Variants in MINDY4 observed in about 807,000 individuals in gnomAD.
MINDY4 encodes the protein probable ubiquitin carboxyl-terminal hydrolase MINDY-4.
In MINDY4, 68 loss-of-function variants were observed where a neutral mutation model predicts 87.0. The ratio of observed to expected loss-of-function variants is 0.78; its 90% CI spans 0.64 to 0.96. MINDY4 has a LOEUF of 0.96. Among genes scored for constraint, MINDY4 ranks in the 40% least tolerant of loss-of-function variants. MINDY4 has a pLI of 0.00. For synonymous variants in MINDY4, 379 were observed against 363.2 expected, an observed-to-expected ratio of 1.04 and a Z score of -0.50; for missense variants, 919 against 928.2, an observed-to-expected ratio of 0.99 and a Z score of 0.13.
At chr7:30,796,283 C>T (rs1182118849) in intron 5 of MINDY4, among the ~76,000 whole-genome samples, 1 of 152,100 alleles carries the variant, frequency 6.6e-6, no homozygotes, top group African/African-American at 2.4e-5. Flanking sequence ...GAAAAGGCAA[C>T]AGGAAACCCA....
At chr7:30,859,965 TTGTC>T (rs1283737024) in intron 13 of MINDY4, among the ~76,000 whole-genome samples, 2 of 152,220 alleles carry the variant, frequency 1.3e-5, no homozygotes. Context: ...TTAGGCCTCT[TTGTC>T]TGTATTTGTC....
chr7:30,819,206 C>A (rs573109362), intron 5 of MINDY4, among the ~76,000 whole-genome samples: 1 of 152,212 alleles, frequency 6.6e-6, no homozygotes, highest in Non-Finnish European at 1.5e-5. Flanking sequence ...CTCCATATTA[C>A]TTTAACTGCT....
chr7:30,871,551 G>A (rs1024586348), intron 13 of MINDY4, among the ~76,000 whole-genome samples: 2 of 152,180 alleles, frequency 1.3e-5, no homozygotes, highest in African/African-American at 4.8e-5. Flanking sequence ...GCGGTGCTCA[G>A]CCCATTTCTT....
intron 5 of MINDY4, among the ~76,000 whole-genome samples, chr7:30,802,900 A>C (rs1787700932): frequency 6.6e-6 from 1 of 151,612 alleles, no homozygotes. Flanking sequence ...TTCATCCAAC[A>C]AACCATTCCA....
chr7:30,858,835 G>A (rs1584324719), intron 12 of MINDY4: 3 of 381,460 alleles, frequency 7.9e-6, no homozygotes, highest in Non-Finnish European at 5.2e-6. Context: ...AAGCTGTGTG[G>A]CCTTGAACTG....
At chr7:30,806,604 T>C (rs1377488943) in intron 5 of MINDY4, among the ~76,000 whole-genome samples, 2 of 152,266 alleles carry the variant, frequency 1.3e-5, no homozygotes, top group Non-Finnish European at 2.9e-5. Flanking sequence ...ATGTTCAGGT[T>C]AGTTGTGAGA....
At chr7:30,845,143 G>A (rs1421078099) in intron 9 of MINDY4, among the ~76,000 whole-genome samples, 1 of 152,176 alleles carries the variant, frequency 6.6e-6, no homozygotes, top group Admixed American at 6.5e-5. Context: ...TGAGGGCTCT[G>A]AGTTTTAGAC....
intron 13 of MINDY4, among the ~76,000 whole-genome samples, chr7:30,871,620 C>T (rs1275324209): frequency 6.6e-6 from 1 of 152,204 alleles, no homozygotes; most frequent in Admixed American, 6.5e-5. Context: ...TTGAAGGACT[C>T]CATTCTGAGG....
chr7:30,795,118 C>T (rs1306652099), intron 5 of MINDY4, among the ~76,000 whole-genome samples: 2 of 152,122 alleles, frequency 1.3e-5, no homozygotes, highest in Non-Finnish European at 2.9e-5. Flanking sequence ...GTGTGCTGGC[C>T]TGTCATTTGT....
rs766625671 is a variant in MINDY4, at chr7:30,850,547, T to G, written c.1539T>G (p.Val513=). The G allele has an allele frequency of 6.2e-7, 1 of 1,602,400 alleles. No individual in the cohort carries two copies. Among genetic ancestry groups the G allele is most frequent in the Admixed American group, 1.7e-5 (1 of 58,674 alleles). ...VWRAGGRERA[V]VALASRTQQF... ...GGGCAGGGGGCCGAGAGAGAGCCGT[T>G]GTTGCACTGTAAGTGGTTCCGAGGT... Residue 513 remains valine (V), a synonymous_variant, in exon 10 of 18, where the codon GTT becomes GTG. Transcript: ENST00000265299.
At chr7:30,830,379 C>T (rs558145685) in intron 6 of MINDY4, among the ~76,000 whole-genome samples, 1 of 152,232 alleles carries the variant, frequency 6.6e-6, no homozygotes, top group East Asian at 1.9e-4. Context: ...TGATGGGTTT[C>T]TGTATTAGTG....
At chr7:30,788,526 T>G (rs1787224520) in intron 4 of MINDY4, among the ~76,000 whole-genome samples, 2 of 152,164 alleles carry the variant, frequency 1.3e-5, no homozygotes, top group African/African-American at 4.8e-5. Context: ...CCAAGAAGTT[T>G]TTAAGTATTG....
At chr7:30,868,241 G>C (rs1421496112) in intron 13 of MINDY4, among the ~76,000 whole-genome samples, 1 of 152,152 alleles carries the variant, frequency 6.6e-6, no homozygotes, top group Non-Finnish European at 1.5e-5. Context: ...TGACCTGGCT[G>C]ATCATCCCAT....
Position 30,850,555 on chromosome 7 carries a change from T to C in MINDY4, c.1547T>C (p.Leu516Pro). 6.3e-7 allele frequency: 1 copy of C among 1,598,582 alleles called. No individual in the cohort carries two copies. The highest frequency in any genetic ancestry group is 1.1e-5 in the South Asian group (1 of 88,324). Reference protein sequence around the residue: ...AGGRERAVVALASRTQQFSPT... With the variant: ...AGGRERAVVAPASRTQQFSPT... ...GGCCGAGAGAGAGCCGTTGTTGCACTGTAAGTGGTTCCGAGGTCTGTGTTG... is the reference window on the plus strand; with the variant it reads ...GGCCGAGAGAGAGCCGTTGTTGCACCGTAAGTGGTTCCGAGGTCTGTGTTG... Residue 516 changes from leucine to proline, a missense_variant and splice_region_variant, in exon 10 of 18, where the codon CTG becomes CCG. Transcript: ENST00000265299.
chr7:30,853,378 G>A lies in MINDY4; in HGVS notation c.1612-16G>A, dbSNP rs534075346. ...GGGGCTTGGGCCACTCATCCTGAGT[G>A]TTTGTGTCTTCTCAGCTTACGCTTC... On this transcript the variant is annotated splice_polypyrimidine_tract_variant and intron_variant, in intron 11 of 17. Transcript: ENST00000265299. The A allele has an allele frequency of 5.6e-5, 90 of 1,611,718 alleles. No individual in the cohort carries two copies. The highest frequency in any genetic ancestry group is 3.3e-4 in the Middle Eastern group (2 of 6,062).
intron 17 of MINDY4, among the ~76,000 whole-genome samples, chr7:30,886,296 G>C (rs2128582992): frequency 6.6e-6 from 1 of 152,326 alleles, no homozygotes; most frequent in Non-Finnish European, 1.5e-5. Context: ...AGAAACAGCT[G>C]AGTAAGACTT....
At chr7:30,873,945 G>T (rs1790185345) in intron 14 of MINDY4, among the ~76,000 whole-genome samples, 1 of 152,190 alleles carries the variant, frequency 6.6e-6, no homozygotes, top group Non-Finnish European at 1.5e-5. Context: ...CCTCCAGTGG[G>T]GGTCCCTCTG....
intron 2 of MINDY4, chr7:30,780,448 T>A (rs1479908537): frequency 6.6e-6 from 1 of 152,240 alleles, no homozygotes; most frequent in Non-Finnish European, 1.5e-5. Flanking sequence ...GTAGTTGTTA[T>A]CTTAAGATAC....
chr7:30,811,741 G>A (rs1771614388), intron 5 of MINDY4, among the ~76,000 whole-genome samples: 1 of 152,184 alleles, frequency 6.6e-6, no homozygotes, highest in South Asian at 2.1e-4. Context: ...GTCCTGTTCT[G>A]TTCCGTTCTA....
Sources: gnomAD v4.1 joint callset for allele counts (sites outside exome capture counted in the v4.1 genomes callset) on GRCh38, gnomAD v4.1.1 for gene constraint, MANE v1.5 for transcripts, NCBI Gene and HGNC (gene_info 2026-07-23, HGNC 2026-07-21) for gene names.